Variants in PUM1 observed in about 807,000 individuals in gnomAD.
The protein encoded by PUM1 is pumilio RNA binding family member 1.
Under a neutral mutation model 131.8 loss-of-function variants are expected in PUM1, and 13 were observed. That is an observed-to-expected ratio of 0.10 (90% confidence interval 0.06 to 0.16). The LOEUF is 0.16. PUM1 is among the 10% of genes least tolerant of loss of function. The pLI is 1.00. For missense variants in PUM1, 961 were observed against 1,512.4 expected (o/e 0.64, Z 6.05); for synonymous variants, 509 against 556.5 (o/e 0.91, Z 1.20).
rs1643929170 is a variant in PUM1, at chr1:31,045,460, T to A, written c.363+13744A>T. 2.6e-5 allele frequency among the ~76,000 whole-genome samples: 4 copies of A among 152,222 alleles called. No homozygotes were observed. In the South Asian group the frequency reaches 8.3e-4, roughly 32 times the overall value. On this transcript the variant is annotated intron_variant, in intron 2 of 21. Coordinates refer to ENST00000426105, the MANE Select transcript of PUM1 (RefSeq NM_001020658.2). ...GCCAAAGCTGCTATTTTAAAAAATC[T>A]TTAACAGGCCAGGCATGATGGCTCA... is the stretch of plus-strand genomic sequence containing the variant.
At chr1:31,007,235 C>A in intron 3 of PUM1, 133 bp from the exon 4 acceptor site, 4 of 668,888 alleles carry the variant, frequency 6.0e-6, no homozygotes, top group South Asian at 5.3e-5. Context: ...AGTGTTCCAA[C>A]TACACAACTG....
intron 17 of PUM1, among the ~76,000 whole-genome samples, chr1:30,946,090 C>T (rs1353544032): frequency 3.3e-5 from 5 of 151,704 alleles, no homozygotes; most frequent in African/African-American, 9.7e-5. Flanking sequence ...CGGCCAACTC[C>T]TAGAGCTTAA....
intron 18 of PUM1, 135 bp from the exon 19 acceptor site, chr1:30,942,258 C>G (rs1639485774): frequency 5.2e-6 from 1 of 193,898 alleles, no homozygotes; most frequent in East Asian, 2.0e-4. Context: ...CTAATCTTCA[C>G]AAATGAACTT....
At chr1:30,955,041 T>C (rs1425151144) in intron 14 of PUM1, among the ~76,000 whole-genome samples, 1 of 150,798 alleles carries the variant, frequency 6.6e-6, no homozygotes. Context: ...TCCACTCCAG[T>C]CTAGGCAACA....
intron 6 of PUM1, 128 bp downstream of exon 6, chr1:30,994,926 C>T: frequency 2.0e-6 from 2 of 1,006,184 alleles, no homozygotes; most frequent in South Asian, 1.7e-5. Context: ...GCATAGCCTA[C>T]ACTAGATTGG....
chr1:31,004,676 G>A (rs999573105), intron 5 of PUM1, among the ~76,000 whole-genome samples: 2 of 152,120 alleles, frequency 1.3e-5, no homozygotes, highest in Non-Finnish European at 2.9e-5. Context: ...TAGTACTTAA[G>A]AACTGTACTT....
intron 7 of PUM1, among the ~76,000 whole-genome samples, chr1:30,983,763 T>C (rs1641444365): frequency 6.6e-6 from 1 of 151,574 alleles, no homozygotes; most frequent in Admixed American, 6.6e-5. Context: ...CTGGCATTTT[T>C]TTTTTTTTTT....
At chr1:31,049,724 G>A (rs1025423398) in intron 2 of PUM1, among the ~76,000 whole-genome samples, 1 of 150,978 alleles carries the variant, frequency 6.6e-6, no homozygotes, top group Non-Finnish European at 1.5e-5. Context: ...AATTAAACAA[G>A]GTAAAGATAC....
At chr1:31,054,624 C>T (rs1006166323) in intron 2 of PUM1, among the ~76,000 whole-genome samples, 28 of 149,332 alleles carry the variant, frequency 1.9e-4, no homozygotes, top group African/African-American at 6.2e-4. Flanking sequence ...TCTGTCTCTA[C>T]AGAGATAATT....
chr1:31,032,967 G>A (rs192528292), intron 2 of PUM1, among the ~76,000 whole-genome samples: 121 of 152,066 alleles, frequency 8.0e-4, no homozygotes, highest in South Asian at 5.8e-3. Context: ...TTAGCTGGGC[G>A]TGATGGCGCA....
intron 16 of PUM1, among the ~76,000 whole-genome samples, chr1:30,951,531 ACTC>A (rs1370192318): frequency 4.6e-5 from 7 of 151,794 alleles, no homozygotes; most frequent in Admixed American, 4.6e-4. Flanking sequence ...CCCATACCAG[ACTC>A]CTCCTCATCT....
In PUM1 at chr1:30,992,447, T is replaced by A. The variant is rs913304759; in HGVS notation, c.1101A>T (p.Val367=). 1.4e-5 allele frequency: 22 copies of A among 1,614,080 alleles called. No individual in the cohort carries two copies. The highest frequency in any genetic ancestry group is 1.9e-5 in the Non-Finnish European group (22 of 1,180,034). Residue 367 remains valine (V), a synonymous_variant, in exon 7 of 22, where the codon GTA becomes GTT. Coordinates refer to ENST00000426105, the MANE Select transcript of PUM1 (RefSeq NM_001020658.2). ...PLQFDYSGTQ[V]PVDSAAATVG... ...CAGTTGCTGCTGCTGAGTCCACAGG[T>A]ACCTGCGTGCCTGAATAATCAAACT... is the stretch of plus-strand genomic sequence containing the variant.
intron 10 of PUM1, among the ~76,000 whole-genome samples, chr1:30,973,463 C>T (rs1446416126): frequency 1.3e-5 from 2 of 152,070 alleles, no homozygotes; most frequent in Admixed American, 6.6e-5. Flanking sequence ...CAAGGATAAA[C>T]TTATGTAAAG....
At chr1:30,953,662 G>C in intron 15 of PUM1, 52 bp downstream of exon 15, 1 of 1,599,990 alleles carries the variant, frequency 6.3e-7, no homozygotes, top group South Asian at 1.1e-5. Context: ...AGCCAAGACA[G>C]TTAAGGCATT....
chr1:30,941,285 C>A lies in PUM1; in HGVS notation c.3121-13G>T. On this transcript the variant is annotated splice_polypyrimidine_tract_variant and intron_variant, in intron 19 of 21. Coordinates refer to ENST00000426105, the MANE Select transcript of PUM1 (RefSeq NM_001020658.2). ...TTCCATATTGATCCTGTTTGAGAAA[C>A]AGTAAGAGAAATAAAATGTATGTGA... is the stretch of plus-strand genomic sequence containing the variant. The A allele has an allele frequency of 6.2e-7, 1 of 1,605,164 alleles. No homozygotes were observed.
chr1:31,059,064 C>A, intron 2 of PUM1, 140 bp downstream of exon 2: 1 of 991,280 alleles, frequency 1.0e-6, no homozygotes, highest in Non-Finnish European at 1.5e-6. Flanking sequence ...TTACAATGAT[C>A]AACCTTTATA....
intron 13 of PUM1, among the ~76,000 whole-genome samples, chr1:30,965,599 C>A (rs1640585717): frequency 6.6e-6 from 1 of 152,218 alleles, no homozygotes; most frequent in Non-Finnish European, 1.5e-5. Flanking sequence ...CTCTTTAAGG[C>A]CTGCAGGCCA....
intron 14 of PUM1, among the ~76,000 whole-genome samples, chr1:30,962,383 G>A (rs537483020): frequency 3.8e-4 from 58 of 152,158 alleles, no homozygotes; most frequent in Non-Finnish European, 6.9e-4. Flanking sequence ...CCATTTCCAC[G>A]CACCAAGGAA....
At chr1:31,048,467 A>G (rs80050407) in intron 2 of PUM1, among the ~76,000 whole-genome samples, 1 of 148,682 alleles carries the variant, frequency 6.7e-6, no homozygotes, top group African/African-American at 2.5e-5. Context: ...TTTTCTTTTT[A>G]TTTTTATTTT....
Sources: allele counts gnomAD v4.1 joint callset (sites outside exome capture counted in the v4.1 genomes callset), GRCh38; gene constraint gnomAD v4.1.1; transcripts MANE v1.5; gene names NCBI Gene and HGNC (gene_info 2026-07-23, HGNC 2026-07-21).